Variants in PLCH2 observed in about 807,000 individuals in gnomAD.
PLCH2 encodes the protein phospholipase C eta 2.
PLCH2 carries 98 observed loss-of-function variants against 134.7 expected under a neutral mutation model. The ratio of observed to expected loss-of-function variants is 0.73; its 90% CI spans 0.62 to 0.86. The LOEUF (loss-of-function observed/expected upper bound fraction) is 0.86. Ranked by LOEUF, PLCH2 falls within the 40% of genes least tolerant of loss-of-function variation. PLCH2 has a pLI of 0.00. For synonymous variants in PLCH2, 974 were observed against 827.5 expected (o/e 1.18, Z -3.04); for missense variants, 1,994 against 1,986.6 (o/e 1.00, Z -0.07).
At position 2,498,401 on chromosome 1, in the gene PLCH2, C is replaced by A; in HGVS notation, c.2225-122C>A. ...CTGGACCACTGCCTCCCTCCCTCCCCCTGGCACCGGCTCCAGTCTCCTATG... is the reference window on the plus strand; with the variant it reads ...CTGGACCACTGCCTCCCTCCCTCCCACTGGCACCGGCTCCAGTCTCCTATG... On this transcript the variant is annotated intron_variant, in intron 16 of 21. Coordinates refer to ENST00000378486, the MANE Select transcript of PLCH2 (RefSeq NM_014638.4). The surrounding 1 kb of genome is among the most constrained non-coding windows in gnomAD (Gnocchi z 5.4). 8.6e-7 allele frequency: 1 copy of A among 1,163,634 alleles called. No homozygotes were observed. Among genetic ancestry groups the A allele is most frequent in the South Asian group, 1.6e-5 (1 of 63,886 alleles). The allele number at this position is 1,163,634 out of a possible 1,614,324, so 72.1% of individuals were successfully genotyped here. A position where few individuals can be genotyped will look rare whatever the true frequency, so the allele number is the denominator to read the frequency against.
chr1:2,494,531 G>GA, intron 11 of PLCH2: 1 of 449,560 alleles, frequency 2.2e-6, no homozygotes, highest in Non-Finnish European at 4.1e-6. Flanking sequence ...CCACTGGTGG[G>GA]AAAAAAGGAT....
chr1:2,419,473 G>A, the PLCH2 span, among the ~76,000 whole-genome samples: 48,041 of 151,956 alleles, frequency 0.32, 7,808 homozygotes, highest in East Asian at 0.52. Context: ...CCCGGGCCTC[G>A]GCCGTTGGTC....
At chr1:2,458,439 TC>T (rs1016200557) in intron 2 of PLCH2, among the ~76,000 whole-genome samples, 9 of 152,022 alleles carry the variant, frequency 5.9e-5, no homozygotes, top group Non-Finnish European at 8.8e-5. Flanking sequence ...GGCTGGACAG[TC>T]CCCCTTGGGC....
rs370579115 is a variant in PLCH2, at chr1:2,498,812, C to T, written c.2418C>T (p.Arg806=). 3,024 of 1,609,538 alleles carry T rather than the reference C, an allele frequency of 1.9e-3. 1 individual carries two copies. The highest frequency in any genetic ancestry group is 2.4e-3 in the Non-Finnish European group (2,814 of 1,177,498). ...TGGACTGCAGCAGGGAGCAGACCCGCGTGGTGGACGACAACGGTGAGGCTG... is the reference window on the plus strand; with the variant it reads ...TGGACTGCAGCAGGGAGCAGACCCGTGTGGTGGACGACAACGGTGAGGCTG... ...LPVDCSREQT[R]VVDDNGFNPT... Residue 806 remains arginine, a synonymous_variant, in exon 18 of 22, where the codon CGC becomes CGT. Transcript: ENST00000378486. This position sits in a 1 kb window ranked among gnomAD's most constrained non-coding sequence, Gnocchi z 5.4.
intron 2 of PLCH2, among the ~76,000 whole-genome samples, chr1:2,443,076 T>G (rs1471912960): frequency 6.6e-6 from 1 of 152,164 alleles, no homozygotes; most frequent in African/African-American, 2.4e-5. Flanking sequence ...GCTAGGGACC[T>G]GCCCAGGGGA....
the PLCH2 span, among the ~76,000 whole-genome samples, chr1:2,419,777 C>A: frequency 1.3e-5 from 2 of 152,252 alleles, no homozygotes; most frequent in South Asian, 2.1e-4. Context: ...GCTCATCCTT[C>A]TTCCTGTGGG....
rs1642335616 is a variant in PLCH2 at position 2,487,246 on chromosome 1, G to A, written c.984G>A (p.Met328Ile). 6.2e-7 allele frequency: 1 copy of A among 1,610,688 alleles called. No individual in the cohort carries two copies. Among genetic ancestry groups the A allele is most frequent in the Non-Finnish European group, 8.5e-7 (1 of 1,178,560 alleles). Residue 328 changes from methionine to isoleucine, a missense_variant, in exon 7 of 22, where the codon ATG (methionine) becomes ATA (isoleucine). By Grantham distance (10) the Met-to-Ile change is conservative. Around this residue, in one of 2 missense-constraint regions of PLCH2, gnomAD observed 1,094 missense variants for 1,234.3 expected, o/e 0.89. Coordinates refer to ENST00000378486, the MANE Select transcript of PLCH2 (RefSeq NM_014638.4). The stretch of plus-strand genomic sequence containing the variant: ...AGCACCACCATGTGCACCAGGACAT[G>A]ACGCAGCCGCTGAGCCACTACTTCA... Reference protein sequence around the residue: ...NPEHHHVHQDMTQPLSHYFIT... With the variant: ...NPEHHHVHQDITQPLSHYFIT...
intron 2 of PLCH2, among the ~76,000 whole-genome samples, chr1:2,436,119 T>A: frequency 9.3e-6 from 1 of 107,744 alleles, no homozygotes; most frequent in African/African-American, 3.6e-5. Flanking sequence ...CCTCCCCTCC[T>A]CCCTTCCTCC....
the PLCH2 span, among the ~76,000 whole-genome samples, chr1:2,416,000 G>C: frequency 6.6e-6 from 1 of 152,246 alleles, no homozygotes; most frequent in Non-Finnish European, 1.5e-5. Context: ...GGAGCTCGGG[G>C]TGCAGCCCCA....
chr1:2,498,854 C>T lies in PLCH2; in HGVS notation c.2434+26C>T, dbSNP rs1210773910. ...GTGAGGCTGGGCCGTGGCTCCGTCA[C>T]ACCTGTGATGGAAGTCTGAGGGGGG... On this transcript the variant is annotated intron_variant, in intron 18 of 21. Transcript: ENST00000378486. The surrounding 1 kb of genome is among the most constrained non-coding windows in gnomAD (Gnocchi z 5.4). The T allele has an allele frequency of 6.4e-7, 1 of 1,566,258 alleles. No individual in the cohort carries two copies. The highest frequency in any genetic ancestry group is 1.4e-5 in the African/African-American group (1 of 74,050).
upstream of PLCH2, among the ~76,000 whole-genome samples, chr1:2,475,671 G>A (rs867178569): frequency 2.6e-5 from 4 of 152,316 alleles, no homozygotes; most frequent in South Asian, 6.2e-4. Flanking sequence ...GGGGACAAAC[G>A]TGCCCTGGGC....
At chr1:2,465,045 G>A (rs566123071), upstream of PLCH2, among the ~76,000 whole-genome samples, 29 of 152,322 alleles carry the variant, frequency 1.9e-4, no homozygotes, top group Middle Eastern at 3.4e-3. Context: ...GGGAGCAGGT[G>A]TGCAGTGTTT....
chr1:2,468,128 G>A (rs1004815944), intron 1 of PLCH2, among the ~76,000 whole-genome samples: 1 of 152,140 alleles, frequency 6.6e-6, no homozygotes, highest in Non-Finnish European at 1.5e-5. Flanking sequence ...TTGGCTCTGG[G>A]GGCTCTCCTG....
At chr1:2,455,734 C>T (rs1287854388) in intron 2 of PLCH2, among the ~76,000 whole-genome samples, 3 of 152,256 alleles carry the variant, frequency 2.0e-5, no homozygotes, top group East Asian at 1.9e-4. Context: ...TGGCAAAGCG[C>T]ACCTGCTGCA....
At position 2,435,629 on chromosome 1, in the gene PLCH2, C is replaced by T. The variant is rs558856479; in HGVS notation, c.115+5000C>T. On this transcript the variant is annotated intron_variant, in intron 2 of 3. Coordinates refer to the PLCH2 transcript ENST00000609981. ...GCTGGCTGGCAGGGCCCGAGTGCAG[C>T]GTGACACGGCTCTCAGAGCCCACAG... Among the ~76,000 whole-genome samples, 5 of 152,154 alleles carry T rather than the reference C, an allele frequency of 3.3e-5. No homozygotes were observed. The East Asian group carries it at 9.7e-4, about 29-fold the overall frequency.
At chr1:2,420,027 C>A in the PLCH2 span, among the ~76,000 whole-genome samples, 1 of 151,570 alleles carries the variant, frequency 6.6e-6, no homozygotes, top group Non-Finnish European at 1.5e-5. Flanking sequence ...GTGCTGCCTC[C>A]CCAGTAGCCT....
At chr1:2,447,403 C>T (rs1470200249) in intron 2 of PLCH2, among the ~76,000 whole-genome samples, 2 of 152,174 alleles carry the variant, frequency 1.3e-5, no homozygotes, top group African/African-American at 4.8e-5. Context: ...CTAAGCCAGC[C>T]TTCTCAGGGC....
Position 2,485,856 on chromosome 1 carries a change from C to T in PLCH2, c.817-1051C>T, listed in dbSNP as rs564672129. Among the ~76,000 whole-genome samples the T allele has an allele frequency of 4.1e-4, 62 of 152,312 alleles. No homozygotes were observed. The South Asian group carries it at 0.012, about 30-fold the overall frequency. On this transcript the variant is annotated intron_variant, in intron 5 of 21. Coordinates refer to ENST00000378486, the MANE Select transcript of PLCH2 (RefSeq NM_014638.4). ...CAGTACCCCACCCCCAAGCTTACCA[C>T]AAACCCAGAGCTGGCCTTTGGGGCT... is the stretch of plus-strand genomic sequence containing the variant.
In PLCH2 at chr1:2,443,532, G is replaced by A. The variant is rs1003483309; in HGVS notation, c.115+12903G>A. Reference sequence around the variant, plus strand: ...GGAGGGGGAGGTGTGGGGAGCGGAAGGCCGCAGGAGCATCTTTGCGGAGAA... The same window carrying A: ...GGAGGGGGAGGTGTGGGGAGCGGAAAGCCGCAGGAGCATCTTTGCGGAGAA... On this transcript the variant is annotated intron_variant, in intron 2 of 3. Transcript: ENST00000609981. Among the ~76,000 whole-genome samples the A allele has an allele frequency of 6.6e-5, 10 of 152,192 alleles. No homozygotes were observed. The South Asian group carries it at 2.1e-3, about 32-fold the overall frequency.
Sources: allele counts gnomAD v4.1 joint callset (sites outside exome capture counted in the v4.1 genomes callset), GRCh38; gene constraint gnomAD v4.1.1; regional missense constraint gnomAD v4.1.1; non-coding constraint Gnocchi (gnomAD v3.1); transcripts MANE v1.5; gene names NCBI Gene and HGNC (gene_info 2026-07-23, HGNC 2026-07-21).